Variants in GLDC observed in about 807,000 individuals in gnomAD.
GLDC encodes glycine decarboxylase.
GLDC carries 104 observed loss-of-function variants against 121.3 expected under a neutral mutation model. That is an observed-to-expected ratio of 0.86 (90% CI 0.73 to 1.01). The LOEUF (loss-of-function observed/expected upper bound fraction) is 1.01. GLDC is among the 50% of genes least tolerant of loss of function. The pLI, the probability that GLDC is intolerant of heterozygous loss-of-function variation, is 0.00. For synonymous variants in GLDC, 546 were observed against 480.6 expected (o/e 1.14, Z -1.78); for missense variants, 1,429 against 1,306.6 (o/e 1.09, Z -1.44).
In GLDC at chr9:6,620,254, T is replaced by C; in HGVS notation, c.400A>G (p.Ile134Val). The C allele has an allele frequency of 1.2e-6, 2 of 1,613,490 alleles. No individual in the cohort carries two copies. Among genetic ancestry groups the C allele is most frequent in the Non-Finnish European group, 1.7e-6 (2 of 1,179,370 alleles). Residue 134 changes from isoleucine (I) to valine (V), a missense_variant, in exon 3 of 25, where the codon ATT becomes GTT. Ile to Val is a conservative substitution (Grantham distance 29). Transcript: ENST00000321612. ...GAGCAGTTATAATAGCCCATGCCAA[T>C]ATACGATCTCCAGATCTGGTTTTTG... ...SSKNQIWRSY[I>V]GMGYYNCSVP...
chr9:6,613,126 C>A (rs2129926900), intron 3 of GLDC, among the ~76,000 whole-genome samples: 1 of 152,260 alleles, frequency 6.6e-6, no homozygotes, highest in Middle Eastern at 3.4e-3. Flanking sequence ...AAACCAGCTA[C>A]CATTCATTAA....
rs1587991102 is a variant in GLDC at position 6,645,726 on chromosome 9, C to T, written c.-227G>A. ...CCACCCAAGGCACCTGCTCCGCACA[C>T]TTTAAGCGGCGCCCTGGAGGCGGGA... On this transcript the variant is annotated 5_prime_UTR_variant, in exon 1 of 25. The change creates a new upstream start codon in the 5' untranslated region. Transcript: ENST00000321612. The T allele has an allele frequency of 3.5e-6, 1 of 282,826 alleles. No individual in the cohort carries two copies. The highest frequency in any genetic ancestry group is 6.7e-5 in the East Asian group (1 of 14,986). The allele number at this position is 282,826 out of a possible 1,614,324, so 17.5% of individuals were successfully genotyped here. A position where few individuals can be genotyped will look rare whatever the true frequency, so the allele number is the denominator to read the frequency against.
intron 21 of GLDC, among the ~76,000 whole-genome samples, chr9:6,544,078 C>T (rs911741516): frequency 3.9e-5 from 6 of 152,154 alleles, no homozygotes; most frequent in African/African-American, 1.2e-4. Flanking sequence ...ATCCTCAAGG[C>T]GGCTGCTGAG....
chr9:6,543,428 C>T (rs1419549983), intron 21 of GLDC, among the ~76,000 whole-genome samples: 2 of 152,086 alleles, frequency 1.3e-5, no homozygotes, highest in Non-Finnish European at 2.9e-5. Flanking sequence ...AGAGGAGAGT[C>T]TTCCAAGCAG....
At position 6,533,419 on chromosome 9, in the gene GLDC, A is replaced by G. The variant is rs1817043392; in HGVS notation, c.2920-259T>C. Among the ~76,000 whole-genome samples the G allele has an allele frequency of 2.6e-5, 4 of 152,364 alleles. 1 individual carries two copies. In the South Asian group the frequency reaches 8.3e-4, roughly 32 times the overall value. ...AGTTTATAGCAAAGTTGTGTTTGAA[A>G]GACTTCAACTGCTTAAAGAAGACTT... On this transcript the variant is annotated intron_variant, in intron 24 of 24. Transcript: ENST00000321612.
intron 3 of GLDC, among the ~76,000 whole-genome samples, 165 bp downstream of exon 3, chr9:6,620,019 A>T (rs1243463165): frequency 6.6e-6 from 1 of 152,206 alleles, no homozygotes; most frequent in Non-Finnish European, 1.5e-5. Context: ...TTTGAGCAAG[A>T]ACATTTCTCG....
chr9:6,558,999 G>C (rs754055842), intron 16 of GLDC, among the ~76,000 whole-genome samples: 11 of 152,118 alleles, frequency 7.2e-5, no homozygotes, highest in Non-Finnish European at 1.5e-4. Context: ...AGGATACACA[G>C]AAAGCACCTT....
chr9:6,584,117 T>G (rs1168075135), intron 15 of GLDC, among the ~76,000 whole-genome samples: 3 of 152,254 alleles, frequency 2.0e-5, no homozygotes, highest in Non-Finnish European at 4.4e-5. Flanking sequence ...TATGGTTATA[T>G]CTGAAATATC....
At chr9:6,538,293 C>T (rs1363472441) in intron 22 of GLDC, among the ~76,000 whole-genome samples, 3 of 152,014 alleles carry the variant, frequency 2.0e-5, no homozygotes, top group African/African-American at 7.2e-5. Context: ...AAGGTAGGGT[C>T]CAAAAATCTA....
At chr9:6,588,491 C>A in intron 13 of GLDC, 49 bp from the exon 14 acceptor site, 1 of 1,522,466 alleles carries the variant, frequency 6.6e-7, no homozygotes, top group Non-Finnish European at 9.1e-7. Flanking sequence ...TTTCTATAGT[C>A]CATCAATCAA....
At chr9:6,635,495 A>G (rs768122138) in intron 2 of GLDC, among the ~76,000 whole-genome samples, 7 of 152,168 alleles carry the variant, frequency 4.6e-5, no homozygotes, top group Non-Finnish European at 4.4e-5. Flanking sequence ...ATAGCACTGA[A>G]TATGTTTTGA....
chr9:6,567,635 C>T (rs556542318), intron 15 of GLDC, among the ~76,000 whole-genome samples: 1 of 152,184 alleles, frequency 6.6e-6, no homozygotes, highest in Non-Finnish European at 1.5e-5. Context: ...CAATTGTATT[C>T]TCTATTCCAA....
chr9:6,636,757 A>T (rs776522875), intron 2 of GLDC, among the ~76,000 whole-genome samples: 4 of 152,154 alleles, frequency 2.6e-5, no homozygotes, highest in Non-Finnish European at 4.4e-5. Flanking sequence ...CCTGGGCAAC[A>T]GAGTGAGACC....
intron 2 of GLDC, among the ~76,000 whole-genome samples, chr9:6,637,229 A>ACC: frequency 6.6e-6 from 1 of 152,102 alleles, no homozygotes; most frequent in East Asian, 1.9e-4. Context: ...ACATGGTGAA[A>ACC]CCCCGTCTCT....
intron 19 of GLDC, among the ~76,000 whole-genome samples, chr9:6,554,333 G>C (rs186674873): frequency 4.3e-4 from 65 of 152,184 alleles, no homozygotes; most frequent in Admixed American, 8.5e-4. Context: ...AAATCCAAAA[G>C]TCCGAAAGGC....
At chr9:6,560,995 C>T (rs1021169180) in intron 16 of GLDC, among the ~76,000 whole-genome samples, 3 of 152,204 alleles carry the variant, frequency 2.0e-5, no homozygotes, top group South Asian at 4.1e-4. Context: ...AGCCAAGGAA[C>T]GCAGGAGGCC....
intron 2 of GLDC, chr9:6,639,668 A>AAATATATATATAT: frequency 1.0e-4 from 25 of 250,542 alleles, no homozygotes; most frequent in East Asian, 9.2e-4. Context: ...ATAAAAAAAA[A>AAATATATATATAT]GTATATATAT....
At chr9:6,540,472 T>C in intron 21 of GLDC, 1 of 354,782 alleles carries the variant, frequency 2.8e-6, no homozygotes, top group Non-Finnish European at 5.4e-6. Flanking sequence ...ATTTCTATTC[T>C]GCGGACATAA....
At position 6,602,479 on chromosome 9, in the gene GLDC, C is replaced by T. The variant is rs760933918; in HGVS notation, c.1059-274G>A. Reference sequence around the variant, plus strand: ...GCAACCTCTGCCTTCTGGTTTCAAACGATTCTACTGCATCAGCCTCCTGAC... The same window carrying T: ...GCAACCTCTGCCTTCTGGTTTCAAATGATTCTACTGCATCAGCCTCCTGAC... On this transcript the variant is annotated intron_variant, in intron 7 of 24. Coordinates refer to ENST00000321612, the MANE Select transcript of GLDC (RefSeq NM_000170.3). Among the ~76,000 whole-genome samples, 9 of 150,834 alleles carry T rather than the reference C, an allele frequency of 6.0e-5. No individual in the cohort carries two copies. The South Asian group carries it at 1.9e-3, about 31-fold the overall frequency.
Sources: allele counts gnomAD v4.1 joint callset (sites outside exome capture counted in the v4.1 genomes callset), GRCh38; gene constraint gnomAD v4.1.1; transcripts MANE v1.5; gene names NCBI Gene and HGNC (gene_info 2026-07-23, HGNC 2026-07-21).